The following ADK variants were observed in gnomAD, a reference collection of about 807,000 sequenced individuals.
ADK encodes the protein adenosine kinase.
A neutral mutation model predicts 44.7 loss-of-function variants in ADK; 24 were observed. The observed-to-expected ratio is 0.54, with a 90% CI of 0.39 to 0.76. The LOEUF is 0.76. Among genes scored for constraint, ADK ranks in the 30% least tolerant of loss-of-function variants. The probability of loss-of-function intolerance (pLI) is 0.00; values close to 1 mark genes in which losing one functional copy is unlikely to be tolerated. For missense variants in ADK, 321 were observed against 425.1 expected (o/e 0.76, Z 2.15); for synonymous variants, 128 against 142.6 (o/e 0.90, Z 0.73).
At chr10:74,211,006 T>C (rs991274010) in intron 2 of ADK, among the ~76,000 whole-genome samples, 2 of 152,122 alleles carry the variant, frequency 1.3e-5, no homozygotes, top group African/African-American at 4.8e-5. Context: ...TGCCTCAGTC[T>C]CCTGAGTAGC....
At chr10:74,329,106 C>CAAAAA (rs138730631) in intron 4 of ADK, among the ~76,000 whole-genome samples, 12 of 82,122 alleles carry the variant, frequency 1.5e-4, no homozygotes, top group South Asian at 1.0e-3. Context: ...TCTGTGCAGG[C>CAAAAA]AAAAAAAAAA....
intron 6 of ADK, among the ~76,000 whole-genome samples, chr10:74,411,606 G>A (rs1428402816): frequency 1.3e-5 from 2 of 152,182 alleles, no homozygotes; most frequent in Non-Finnish European, 2.9e-5. Context: ...TAATCTTTTT[G>A]CTGTTGGAGG....
intron 3 of ADK, among the ~76,000 whole-genome samples, chr10:74,228,227 C>CAGTG (rs1384082853): frequency 2.0e-5 from 3 of 152,284 alleles, no homozygotes; most frequent in African/African-American, 7.2e-5. Context: ...TATTGGTCAG[C>CAGTG]AGTGACACTT....
intron 3 of ADK, among the ~76,000 whole-genome samples, chr10:74,307,784 C>A (rs1280709219): frequency 6.6e-6 from 1 of 152,114 alleles, no homozygotes; most frequent in Non-Finnish European, 1.5e-5. Flanking sequence ...AAACCATGGA[C>A]TCTGGTAGAA....
At chr10:74,236,905 T>C (rs1844984301) in intron 3 of ADK, among the ~76,000 whole-genome samples, 1 of 152,156 alleles carries the variant, frequency 6.6e-6, no homozygotes, top group African/African-American at 2.4e-5. Context: ...TAAAAATACT[T>C]TATGGATGAA....
intron 6 of ADK, among the ~76,000 whole-genome samples, chr10:74,456,538 G>C (rs1275242991): frequency 6.6e-6 from 1 of 151,730 alleles, no homozygotes; most frequent in South Asian, 2.1e-4. Flanking sequence ...GTGATGGCGG[G>C]TGCCTGTAGT....
At chr10:74,505,810 C>G (rs1057018177) in intron 6 of ADK, among the ~76,000 whole-genome samples, 3 of 152,026 alleles carry the variant, frequency 2.0e-5, no homozygotes, top group African/African-American at 7.2e-5. Context: ...CTTATGACCC[C>G]CTAATCTAGA....
chr10:74,243,888 C>G (rs1468670939), intron 3 of ADK, among the ~76,000 whole-genome samples: 1 of 152,084 alleles, frequency 6.6e-6, no homozygotes, highest in African/African-American at 2.4e-5. Context: ...ATAAAGACCA[C>G]ACTATCTTTT....
intron 1 of ADK, among the ~76,000 whole-genome samples, chr10:74,199,505 A>G (rs1441700200): frequency 1.3e-5 from 2 of 152,158 alleles, no homozygotes; most frequent in Admixed American, 6.5e-5. Context: ...ATATTGCTGT[A>G]AAGGACATGA....
chr10:74,173,076 G>C (rs1842213404), intron 1 of ADK, among the ~76,000 whole-genome samples: 1 of 151,524 alleles, frequency 6.6e-6, no homozygotes, highest in South Asian at 2.1e-4. Flanking sequence ...ACCTGTTTTG[G>C]TATCAAAATT....
At chr10:74,151,715 G>C (rs1841596381) in intron 1 of ADK, among the ~76,000 whole-genome samples, 4 of 152,232 alleles carry the variant, frequency 2.6e-5, no homozygotes, top group Admixed American at 2.6e-4. Context: ...TGGCGGGAAA[G>C]AGGCTCGGCA....
At position 74,242,312 on chromosome 10, in the gene ADK, A is replaced by C. The variant is rs116580745; in HGVS notation, c.194+17721A>C. On this transcript the variant is annotated intron_variant, in intron 3 of 10. Transcript: ENST00000539909. ...GGTGTTCAGACAGTTTGGGGAGAAA[A>C]AAACAACCAAAACAGCTGCAGTGTA... is the stretch of plus-strand genomic sequence containing the variant. 3.4e-3 allele frequency among the ~76,000 whole-genome samples: 518 copies of C among 152,362 alleles called. 1 individual carries two copies. Among genetic ancestry groups the C allele is most frequent in the African/African-American group, 0.012 (479 of 41,580 alleles).
intron 4 of ADK, among the ~76,000 whole-genome samples, chr10:74,332,037 T>A (rs1406908891): frequency 6.6e-6 from 1 of 151,946 alleles, no homozygotes; most frequent in Non-Finnish European, 1.5e-5. Context: ...TTTGTATTTT[T>A]TGTAGAGACA....
chr10:74,206,776 G>GT (rs1052168565), intron 2 of ADK, among the ~76,000 whole-genome samples: 3 of 152,150 alleles, frequency 2.0e-5, no homozygotes, highest in African/African-American at 7.2e-5. Context: ...TTGGATCACT[G>GT]TTTTTAAAAT....
intron 7 of ADK, among the ~76,000 whole-genome samples, chr10:74,580,598 C>T (rs796475494): frequency 6.6e-6 from 1 of 151,462 alleles, no homozygotes; most frequent in South Asian, 2.1e-4. Context: ...AAAGGAGTTA[C>T]CCTGCACAAG....
At chr10:74,580,333 T>C (rs1453625294) in intron 7 of ADK, among the ~76,000 whole-genome samples, 1 of 152,100 alleles carries the variant, frequency 6.6e-6, no homozygotes, top group Non-Finnish European at 1.5e-5. Context: ...CCCAGCATTT[T>C]GGGAGTCCAA....
At chr10:74,180,599 C>T (rs1443487243) in intron 1 of ADK, among the ~76,000 whole-genome samples, 1 of 149,630 alleles carries the variant, frequency 6.7e-6, no homozygotes, top group Non-Finnish European at 1.5e-5. Flanking sequence ...GCTGGGACTA[C>T]AGGCGCCCGC....
chr10:74,564,792 G>A (rs2133828932), intron 7 of ADK, among the ~76,000 whole-genome samples: 1 of 152,176 alleles, frequency 6.6e-6, no homozygotes, highest in Admixed American at 6.5e-5. Context: ...TTTTGGGGGT[G>A]CTTTCCTTCA....
chr10:74,603,554 C>T (rs923138045), intron 9 of ADK, among the ~76,000 whole-genome samples: 1 of 152,146 alleles, frequency 6.6e-6, no homozygotes, highest in Non-Finnish European at 1.5e-5. Context: ...TGATGGTTTC[C>T]AGCTTCATCC....
Sources: allele counts gnomAD v4.1 joint callset (sites outside exome capture counted in the v4.1 genomes callset), GRCh38; gene constraint gnomAD v4.1.1; transcripts MANE v1.5; gene names NCBI Gene and HGNC (gene_info 2026-07-23, HGNC 2026-07-21).